Variants in GABPB1 observed in about 807,000 individuals in gnomAD.
GABPB1 encodes GA-binding protein subunit beta-1.
A neutral mutation model predicts 45.9 loss-of-function variants in GABPB1; 15 were observed. That is an observed-to-expected ratio of 0.33 (90% confidence interval 0.22 to 0.50). The LOEUF (loss-of-function observed/expected upper bound fraction) is 0.50. Among genes scored for constraint, GABPB1 ranks in the 20% least tolerant of loss-of-function variants. GABPB1 has a pLI of 0.98. For synonymous variants in GABPB1, 143 were observed against 154.4 expected (o/e 0.93, Z 0.55); for missense variants, 252 against 457.5 (o/e 0.55, Z 4.10).
At chr15:50,305,970 G>T (rs1298251977) in intron 2 of GABPB1, among the ~76,000 whole-genome samples, 1 of 150,902 alleles carries the variant, frequency 6.6e-6, no homozygotes, top group East Asian at 1.9e-4. Context: ...AGCTTTTTGG[G>T]TTTTTTTTTA....
intron 1 of GABPB1, among the ~76,000 whole-genome samples, chr15:50,319,033 A>G (rs1271038045): frequency 6.6e-6 from 1 of 152,228 alleles, no homozygotes; most frequent in Non-Finnish European, 1.5e-5. Context: ...GCATAGGAAT[A>G]GCTTAAAACA....
intron 1 of GABPB1, among the ~76,000 whole-genome samples, chr15:50,344,851 A>G (rs1238787669): frequency 6.6e-6 from 1 of 152,110 alleles, no homozygotes; most frequent in African/African-American, 2.4e-5. Flanking sequence ...AAAAACAAAA[A>G]ATAATAAATA....
intron 1 of GABPB1, among the ~76,000 whole-genome samples, chr15:50,317,404 CAAA>C (rs1387965964): frequency 1.5e-5 from 1 of 65,184 alleles, no homozygotes. Flanking sequence ...AACTCCGTCT[CAAA>C]AAAAAAAAAG....
intron 1 of GABPB1, among the ~76,000 whole-genome samples, chr15:50,320,979 C>T (rs1300018450): frequency 6.6e-6 from 1 of 152,144 alleles, no homozygotes; most frequent in Non-Finnish European, 1.5e-5. Flanking sequence ...GGTCTTCGGA[C>T]TTCCAGAACT....
intron 1 of GABPB1, among the ~76,000 whole-genome samples, chr15:50,332,524 G>C (rs558212736): frequency 6.6e-6 from 1 of 152,034 alleles, no homozygotes; most frequent in African/African-American, 2.4e-5. Context: ...AGAAATTATT[G>C]ATTTTTTTCT....
At chr15:50,346,551 A>G (rs1180892012) in intron 1 of GABPB1, among the ~76,000 whole-genome samples, 1 of 152,034 alleles carries the variant, frequency 6.6e-6, no homozygotes, top group Non-Finnish European at 1.5e-5. Context: ...GCTGTAACAA[A>G]ATACCATAAA....
At chr15:50,345,464 A>C (rs1022288771) in intron 1 of GABPB1, among the ~76,000 whole-genome samples, 1 of 152,124 alleles carries the variant, frequency 6.6e-6, no homozygotes, top group African/African-American at 2.4e-5. Context: ...CTACTCGGGA[A>C]ACTGAGGTAG....
intron 8 of GABPB1, among the ~76,000 whole-genome samples, chr15:50,279,682 C>A (rs1479412936): frequency 6.6e-6 from 1 of 152,178 alleles, no homozygotes; most frequent in Non-Finnish European, 1.5e-5. Flanking sequence ...AAAAGCTCAA[C>A]CTCCACAGAC....
intron 6 of GABPB1, among the ~76,000 whole-genome samples, chr15:50,291,073 A>G (rs887505457): frequency 1.3e-5 from 2 of 152,244 alleles, no homozygotes; most frequent in South Asian, 2.1e-4. Context: ...GACTATATGC[A>G]AAACATGGAT....
chr15:50,345,623 G>A (rs1463890734), intron 1 of GABPB1, among the ~76,000 whole-genome samples: 1 of 152,154 alleles, frequency 6.6e-6, no homozygotes, highest in African/African-American at 2.4e-5. Flanking sequence ...TTGAAATGAA[G>A]AGAAATGCAG....
chr15:50,315,274 A>T (rs1471993193), intron 1 of GABPB1, among the ~76,000 whole-genome samples: 1 of 152,100 alleles, frequency 6.6e-6, no homozygotes, highest in African/African-American at 2.4e-5. Flanking sequence ...TGCAACTACA[A>T]GAGTACACCA....
intron 1 of GABPB1, chr15:50,352,604 G>C (rs2141196575): frequency 6.6e-6 from 1 of 152,330 alleles, no homozygotes; most frequent in South Asian, 2.1e-4. Context: ...CCCAAGTGCT[G>C]GGACTGCAGG....
intron 1 of GABPB1, among the ~76,000 whole-genome samples, chr15:50,311,135 T>C (rs895458850): frequency 6.6e-6 from 1 of 152,152 alleles, no homozygotes; most frequent in Non-Finnish European, 1.5e-5. Flanking sequence ...GAAAAAAGAT[T>C]ATGACAGTAG....
intron 1 of GABPB1, among the ~76,000 whole-genome samples, chr15:50,329,183 G>A (rs1480271875): frequency 6.6e-6 from 1 of 152,104 alleles, no homozygotes; most frequent in Non-Finnish European, 1.5e-5. Context: ...TCAAGTACAA[G>A]TATTTAAAGA....
chr15:50,334,936 T>C (rs940201237), intron 1 of GABPB1, among the ~76,000 whole-genome samples: 4 of 152,232 alleles, frequency 2.6e-5, no homozygotes, highest in African/African-American at 9.6e-5. Context: ...TTCTACTGGT[T>C]CATGCCTATG....
At chr15:50,302,261 AAT>A (rs1352038698) in intron 4 of GABPB1, among the ~76,000 whole-genome samples, 3 of 152,192 alleles carry the variant, frequency 2.0e-5, no homozygotes. Context: ...TATGGTTGCT[AAT>A]ATATATGTTT....
intron 6 of GABPB1, among the ~76,000 whole-genome samples, chr15:50,298,960 A>T (rs927536128): frequency 6.6e-5 from 10 of 151,814 alleles, no homozygotes; most frequent in African/African-American, 2.4e-4. Flanking sequence ...TCAAAAAAAA[A>T]AAAAAAGAAA....
chr15:50,282,386 C>A (rs1191914096), intron 8 of GABPB1: 1 of 418,356 alleles, frequency 2.4e-6, no homozygotes, highest in Non-Finnish European at 4.6e-6. Context: ...TAGCAAGACA[C>A]CCTCTCTATG....
Position 50,277,099 on chromosome 15 carries a change from G to C in GABPB1, c.*1533C>G, listed in dbSNP as rs1218792638. ...ATTAACAAATATACTGGTAATTCCA[G>C]TGAAAGAGTTAACAAATTCTCAAGA... On this transcript the variant is annotated 3_prime_UTR_variant, in exon 9 of 9. Transcript: ENST00000380877. 6.6e-6 allele frequency: 1 copy of C among 152,072 alleles called. No homozygotes were observed. The highest frequency in any genetic ancestry group is 2.4e-5 in the African/African-American group (1 of 41,408). The allele number at this position is 152,072 out of a possible 1,614,324, so 9.4% of individuals were successfully genotyped here.
Sources: gnomAD v4.1 joint callset for allele counts (sites outside exome capture counted in the v4.1 genomes callset) on GRCh38, gnomAD v4.1.1 for gene constraint, MANE v1.5 for transcripts, NCBI Gene and HGNC (gene_info 2026-07-23, HGNC 2026-07-21) for gene names.